EEPD1: variants seen among roughly 807,000 people sequenced by gnomAD.
The protein encoded by EEPD1 is endonuclease/exonuclease/phosphatase family domain-containing protein 1.
In EEPD1, 17 loss-of-function variants were observed where a neutral mutation model predicts 46.3. That is an observed-to-expected ratio of 0.37 (90% CI 0.25 to 0.55). EEPD1 has a LOEUF of 0.55. Ranked by LOEUF, EEPD1 falls within the 20% of genes least tolerant of loss-of-function variation. The probability of loss-of-function intolerance (pLI) is 0.83; values close to 1 mark genes in which losing one functional copy is unlikely to be tolerated. For synonymous variants in EEPD1, 313 were observed against 315.6 expected (o/e 0.99, Z 0.09); for missense variants, 673 against 745.6 (o/e 0.90, Z 1.13).
At chr7:36,239,306 A>G (rs1019544854) in intron 3 of EEPD1, among the ~76,000 whole-genome samples, 1 of 152,034 alleles carries the variant, frequency 6.6e-6, no homozygotes, top group African/African-American at 2.4e-5. Context: ...AAGGGGCCAT[A>G]CTCTGGAGGA....
At chr7:36,296,788 C>T (rs1787532103) in intron 6 of EEPD1, among the ~76,000 whole-genome samples, 1 of 139,790 alleles carries the variant, frequency 7.2e-6, no homozygotes, top group Non-Finnish European at 1.5e-5. Flanking sequence ...GATTTCCAAA[C>T]GTGTTGCTGA....
At chr7:36,177,631 G>A (rs976030542) in intron 2 of EEPD1, among the ~76,000 whole-genome samples, 2 of 152,144 alleles carry the variant, frequency 1.3e-5, no homozygotes, top group African/African-American at 4.8e-5. Context: ...ATTCCATGGT[G>A]TGTAGGAACC....
At chr7:36,238,855 C>A in intron 2 of EEPD1, 130 bp from the exon 3 acceptor site, 1 of 792,756 alleles carries the variant, frequency 1.3e-6, no homozygotes, top group Non-Finnish European at 1.9e-6. Context: ...TAAAAGGTCA[C>A]CTTAAGATGG....
At chr7:36,224,567 G>A (rs1373802512) in intron 2 of EEPD1, among the ~76,000 whole-genome samples, 5 of 152,188 alleles carry the variant, frequency 3.3e-5, no homozygotes, top group Admixed American at 3.3e-4. Context: ...AAAATATGTG[G>A]CATCCTCAGT....
intron 3 of EEPD1, among the ~76,000 whole-genome samples, chr7:36,267,257 C>A (rs1324386353): frequency 1.3e-5 from 2 of 152,206 alleles, no homozygotes; most frequent in African/African-American, 4.8e-5. Context: ...ATCCCCTCTT[C>A]ACACCCTGCA....
chr7:36,197,676 G>C (rs893733938), intron 2 of EEPD1, among the ~76,000 whole-genome samples: 11 of 151,960 alleles, frequency 7.2e-5, no homozygotes, highest in Non-Finnish European at 1.5e-5. Context: ...GATTAAGGGC[G>C]GTGCAAGATG....
intron 6 of EEPD1, among the ~76,000 whole-genome samples, chr7:36,291,026 G>A (rs1050762727): frequency 2.6e-5 from 4 of 152,180 alleles, no homozygotes; most frequent in African/African-American, 9.7e-5. Flanking sequence ...TTCAAAAAGG[G>A]AACCGTTGTC....
intron 3 of EEPD1, among the ~76,000 whole-genome samples, chr7:36,271,534 C>T (rs1787101943): frequency 6.6e-6 from 1 of 152,018 alleles, no homozygotes; most frequent in African/African-American, 2.4e-5. Flanking sequence ...TGATAGATTG[C>T]AAAAATATTC....
chr7:36,170,492 T>C (rs557622479), intron 2 of EEPD1, among the ~76,000 whole-genome samples: 3 of 152,158 alleles, frequency 2.0e-5, no homozygotes, highest in Admixed American at 1.3e-4. Flanking sequence ...TAAGTCATTA[T>C]GCTCTTCTCT....
chr7:36,162,008 A>C (rs140773470), intron 2 of EEPD1, among the ~76,000 whole-genome samples: 1 of 152,084 alleles, frequency 6.6e-6, no homozygotes, highest in African/African-American at 2.4e-5. Context: ...CTGAAATTCT[A>C]TTTGCTCATC....
rs1175506043 is a variant in EEPD1 at position 36,193,061 on chromosome 7, C to A, written c.878+37859C>A. Among the ~76,000 whole-genome samples the A allele has an allele frequency of 6.6e-6, 1 of 152,220 alleles. No individual in the cohort carries two copies. Among genetic ancestry groups the A allele is most frequent in the Non-Finnish European group, 1.5e-5 (1 of 68,046 alleles). ...GTCTTCTGATGGTCTCAGCTGGAAG[C>A]TGCTGGGTGCTAGTCTGCACTGAAG... is the stretch of plus-strand genomic sequence containing the variant. On this transcript the variant is annotated intron_variant, in intron 2 of 7. Coordinates refer to ENST00000242108, the MANE Select transcript of EEPD1 (RefSeq NM_030636.3). The surrounding 1 kb of genome is among the most constrained non-coding windows in gnomAD (Gnocchi z 4.9).
At chr7:36,283,169 G>T (rs893037640) in intron 4 of EEPD1, among the ~76,000 whole-genome samples, 1 of 152,186 alleles carries the variant, frequency 6.6e-6, no homozygotes, top group Non-Finnish European at 1.5e-5. Flanking sequence ...CCTGAGCCCA[G>T]TTCACTCTCT....
At chr7:36,197,225 C>T (rs1196927263) in intron 2 of EEPD1, among the ~76,000 whole-genome samples, 3 of 149,200 alleles carry the variant, frequency 2.0e-5, no homozygotes, top group Admixed American at 2.0e-4. Context: ...GCAGCCACCC[C>T]GTCCGGGAGG....
Position 36,154,159 on chromosome 7 carries a change from C to T in EEPD1, c.-166C>T. The T allele has an allele frequency of 2.5e-6, 2 of 791,998 alleles. No individual in the cohort carries two copies. The highest frequency in any genetic ancestry group is 1.7e-5 in the African/African-American group (1 of 57,564). The allele number at this position is 791,998 out of a possible 1,614,324, so 49.1% of individuals were successfully genotyped here. ...CGGCCAAGTGAAAGGTAATTTTGGA[C>T]ACGCCAGGCATGGAAGATTCGGTGT... On this transcript the variant is annotated 5_prime_UTR_variant, in exon 2 of 8. Coordinates refer to ENST00000242108, the MANE Select transcript of EEPD1 (RefSeq NM_030636.3). This position sits in a 1 kb window ranked among gnomAD's most constrained non-coding sequence, Gnocchi z 4.2.
intron 2 of EEPD1, among the ~76,000 whole-genome samples, chr7:36,213,940 C>A (rs151095927): frequency 6.6e-6 from 1 of 152,182 alleles, no homozygotes; most frequent in East Asian, 1.9e-4. Flanking sequence ...CATGTGGCAG[C>A]CAAACCTGGG....
chr7:36,281,109 T>C lies in EEPD1; in HGVS notation c.931-6T>C, dbSNP rs1289408834. ...CACGCTTCTGACCTGTGCTCTGTCT[T>C]TGCAGTTCTGCACGGAGCTAAACCA... On this transcript the variant is annotated splice_region_variant and splice_polypyrimidine_tract_variant and intron_variant, in intron 3 of 7. Transcript: ENST00000242108. 6.2e-7 allele frequency: 1 copy of C among 1,613,948 alleles called. No individual in the cohort carries two copies. Among genetic ancestry groups the C allele is most frequent in the Admixed American group, 1.7e-5 (1 of 60,024 alleles).
At chr7:36,172,615 GAGTT>G (rs1158853510) in intron 2 of EEPD1, among the ~76,000 whole-genome samples, 7 of 116,448 alleles carry the variant, frequency 6.0e-5, no homozygotes, top group African/African-American at 2.0e-4. Context: ...AAAATATTAT[GAGTT>G]TTTTTTTTTT....
intron 2 of EEPD1, among the ~76,000 whole-genome samples, chr7:36,181,910 C>T (rs553006962): frequency 1.3e-5 from 2 of 152,200 alleles, no homozygotes; most frequent in Non-Finnish European, 1.5e-5. Context: ...TCTGTTACTC[C>T]TTCTCCAATA....
chr7:36,287,475 C>T (rs763332028), intron 5 of EEPD1, 164 bp from the exon 6 acceptor site: 76 of 1,080,916 alleles, frequency 7.0e-5, no homozygotes, highest in Middle Eastern at 2.6e-4. Context: ...TTGGAAAAAT[C>T]GAAGATGAAA....
Sources: gnomAD v4.1 joint callset for allele counts (sites outside exome capture counted in the v4.1 genomes callset) on GRCh38, gnomAD v4.1.1 for gene constraint, Gnocchi (gnomAD v3.1) non-coding constraint, MANE v1.5 for transcripts, NCBI Gene and HGNC (gene_info 2026-07-23, HGNC 2026-07-21) for gene names.